The following SNAP91 variants were observed in gnomAD, a reference collection of about 807,000 sequenced individuals.
SNAP91 encodes the protein synaptosome associated protein 91.
SNAP91 carries 27 observed loss-of-function variants against 100.3 expected under a neutral mutation model. That is an observed-to-expected ratio of 0.27 (90% CI 0.20 to 0.37). SNAP91 has a LOEUF of 0.37. Ranked by LOEUF, SNAP91 falls within the 10% of genes least tolerant of loss-of-function variation. The pLI, the probability that SNAP91 is intolerant of heterozygous loss-of-function variation, is 1.00. For synonymous variants in SNAP91, 404 were observed against 398.6 expected (o/e 1.01, Z -0.16); for missense variants, 986 against 1,123.7 (o/e 0.88, Z 1.75).
At chr6:83,706,374 C>T (rs1372984746) in intron 2 of SNAP91, among the ~76,000 whole-genome samples, 5 of 152,244 alleles carry the variant, frequency 3.3e-5, no homozygotes, top group Admixed American at 3.3e-4. Context: ...CACAAATTTA[C>T]AATTTCTACT....
intron 2 of SNAP91, among the ~76,000 whole-genome samples, chr6:83,693,897 G>C (rs1256758552): frequency 1.3e-5 from 2 of 152,086 alleles, no homozygotes; most frequent in Non-Finnish European, 2.9e-5. Context: ...CCTAGACTAG[G>C]GATAGCAAGT....
chr6:83,621,598 T>G (rs1190283732), intron 9 of SNAP91, among the ~76,000 whole-genome samples: 2 of 152,176 alleles, frequency 1.3e-5, no homozygotes, highest in Admixed American at 1.3e-4. Context: ...ACTATAATAG[T>G]ATCATTAAAA....
chr6:83,589,703 T>G (rs538909409), intron 22 of SNAP91, among the ~76,000 whole-genome samples: 3 of 152,120 alleles, frequency 2.0e-5, no homozygotes, highest in Non-Finnish European at 4.4e-5. Context: ...GACTGTTAAA[T>G]AGCCAGTCTG....
At chr6:83,656,276 G>A (rs1016651299) in intron 7 of SNAP91, among the ~76,000 whole-genome samples, 3 of 152,102 alleles carry the variant, frequency 2.0e-5, no homozygotes, top group African/African-American at 7.2e-5. Context: ...CCACAAAAAG[G>A]CTCTTTCTAA....
intron 2 of SNAP91, among the ~76,000 whole-genome samples, chr6:83,706,246 T>C (rs1019226951): frequency 2.6e-5 from 4 of 152,226 alleles, no homozygotes; most frequent in African/African-American, 7.2e-5. Context: ...ACCTTTCTTA[T>C]TATGAGGATT....
rs1786218010 is a variant in SNAP91, at chr6:83,560,892, A to G, written c.2498T>C (p.Val833Ala). 6.2e-7 allele frequency: 1 copy of G among 1,613,858 alleles called. No individual in the cohort carries two copies. Among genetic ancestry groups the G allele is most frequent in the Non-Finnish European group, 8.5e-7 (1 of 1,179,844 alleles). ...SVPPVAGAPS[V>A]GQPGAGFGMP... The stretch of plus-strand genomic sequence containing the variant: ...TCCAAATCCTGCTCCAGGTTGTCCA[A>G]CCGATGGGGCCCCGGCAACAGGAGG... Residue 833 changes from valine to alanine, a missense_variant, in exon 27 of 30, where the codon GTT becomes GCT. By Grantham distance (64) the Val-to-Ala change is moderately conservative. Coordinates refer to ENST00000369694, the MANE Select transcript of SNAP91 (RefSeq NM_001242792.2).
At position 83,580,374 on chromosome 6, in the gene SNAP91, A is replaced by G. The variant is rs1826278783; in HGVS notation, c.2299+76T>C. 48 of 1,389,422 alleles carry G rather than the reference A, an allele frequency of 3.5e-5. No homozygotes were observed. In the South Asian group the frequency reaches 5.7e-4, roughly 17 times the overall value. 86.1% of individuals were successfully genotyped at this position (1,389,422 alleles called of 1,614,324 possible). A position where few individuals can be genotyped will look rare whatever the true frequency, so the allele number is the denominator to read the frequency against. On this transcript the variant is annotated intron_variant, in intron 24 of 29. Coordinates refer to ENST00000369694, the MANE Select transcript of SNAP91 (RefSeq NM_001242792.2). ...AGAAACAAAACATATGAGATGAGAGAGAGAGAGAGAGAGAAACAAAAAACA... is the reference window on the plus strand; with the variant it reads ...AGAAACAAAACATATGAGATGAGAGGGAGAGAGAGAGAGAAACAAAAAACA...
rs777665967 is a variant in SNAP91, at chr6:83,601,256, G to T, written c.1324+15C>A. On this transcript the variant is annotated intron_variant, in intron 16 of 29. Transcript: ENST00000369694. The stretch of plus-strand genomic sequence containing the variant: ...CAATCCTGAAAAAATGAAAGTAGCA[G>T]CGAGACTAACTAACCTCCAAAGAGA... 1.2e-6 allele frequency: 2 copies of T among 1,612,202 alleles called. No homozygotes were observed. The highest frequency in any genetic ancestry group is 1.7e-6 in the Non-Finnish European group (2 of 1,178,788).
intron 2 of SNAP91, among the ~76,000 whole-genome samples, chr6:83,700,335 G>A (rs939268245): frequency 6.6e-6 from 1 of 152,000 alleles, no homozygotes; most frequent in Non-Finnish European, 1.5e-5. Flanking sequence ...GAAGCATGGA[G>A]AAGAAGGGCC....
At chr6:83,694,297 G>C (rs1165053848) in intron 2 of SNAP91, among the ~76,000 whole-genome samples, 1 of 152,122 alleles carries the variant, frequency 6.6e-6, no homozygotes, top group Non-Finnish European at 1.5e-5. Flanking sequence ...ATCTTCTCTT[G>C]CAATACTCCC....
At chr6:83,620,123 G>A (rs2096653612) in intron 9 of SNAP91, among the ~76,000 whole-genome samples, 1 of 152,136 alleles carries the variant, frequency 6.6e-6, no homozygotes, top group Admixed American at 6.6e-5. Context: ...CATGTTTAAT[G>A]TACAGTCTCT....
rs1469378186 is a variant in SNAP91 at position 83,553,433 on chromosome 6, A to T, written c.*863T>A. 6.6e-6 allele frequency: 1 copy of T among 152,190 alleles called. No homozygotes were observed. Among genetic ancestry groups the T allele is most frequent in the Non-Finnish European group, 1.5e-5 (1 of 68,026 alleles). 9.4% of individuals were successfully genotyped at this position (152,190 alleles called of 1,614,324 possible). The stretch of plus-strand genomic sequence containing the variant: ...ATTTGCAGTAATCTTTAAATTACAG[A>T]TATACCTTGGGGTGCCTTCAGAATC... On this transcript the variant is annotated 3_prime_UTR_variant, in exon 30 of 30. Transcript: ENST00000369694.
intron 24 of SNAP91, among the ~76,000 whole-genome samples, chr6:83,579,629 G>T (rs544653222): frequency 1.3e-4 from 20 of 152,208 alleles, no homozygotes; most frequent in African/African-American, 4.8e-4. Context: ...TGTAATAGCT[G>T]CCCTCCTCCC....
chr6:83,587,571 C>A (rs2092938487), intron 22 of SNAP91, among the ~76,000 whole-genome samples: 2 of 152,158 alleles, frequency 1.3e-5, no homozygotes, highest in Admixed American at 6.5e-5. Context: ...AACACAGACA[C>A]AACTATAATA....
chr6:83,652,944 G>A (rs1172261781), intron 7 of SNAP91, among the ~76,000 whole-genome samples: 1 of 152,148 alleles, frequency 6.6e-6, no homozygotes, highest in Non-Finnish European at 1.5e-5. Flanking sequence ...TTTGTGAAGT[G>A]AAGTCATACA....
intron 8 of SNAP91, among the ~76,000 whole-genome samples, chr6:83,624,481 A>G (rs766923759): frequency 1.3e-5 from 2 of 152,142 alleles, no homozygotes; most frequent in Non-Finnish European, 2.9e-5. Flanking sequence ...GGGCTGCTAC[A>G]AAGACAATAA....
At chr6:83,560,725 T>A (rs1785930527) in intron 27 of SNAP91, 139 bp downstream of exon 27, 4 of 713,974 alleles carry the variant, frequency 5.6e-6, no homozygotes, top group South Asian at 5.1e-5. Context: ...ACCTAAGGTT[T>A]AAAGCAGATG....
At chr6:83,623,139 T>C (rs1451686038) in intron 9 of SNAP91, among the ~76,000 whole-genome samples, 162 bp downstream of exon 9, 2 of 152,130 alleles carry the variant, frequency 1.3e-5, no homozygotes, top group Non-Finnish European at 2.9e-5. Context: ...CAGAAATATA[T>C]TCAATGGCTA....
chr6:83,634,841 T>A (rs936599131), intron 8 of SNAP91, among the ~76,000 whole-genome samples: 2 of 152,210 alleles, frequency 1.3e-5, no homozygotes, highest in Admixed American at 6.5e-5. Context: ...GTATGTTGTG[T>A]CTGTTTTCAT....
Sources: gnomAD v4.1 joint callset for allele counts (sites outside exome capture counted in the v4.1 genomes callset) on GRCh38, gnomAD v4.1.1 for gene constraint, MANE v1.5 for transcripts, NCBI Gene and HGNC (gene_info 2026-07-23, HGNC 2026-07-21) for gene names.